NTRK2: variants seen among roughly 807,000 people sequenced by gnomAD.
NTRK2 encodes the protein neurotrophic receptor tyrosine kinase 2.
A neutral mutation model predicts 94.5 loss-of-function variants in NTRK2; 13 were observed. The observed-to-expected ratio is 0.14, with a 90% CI of 0.09 to 0.22. NTRK2 has a LOEUF of 0.22. Ranked by LOEUF, NTRK2 falls within the 10% of genes least tolerant of loss-of-function variation. NTRK2 has a pLI of 1.00. For missense variants in NTRK2, 639 were observed against 1,071.2 expected (o/e 0.60, Z 5.63); for synonymous variants, 372 against 407.4 (o/e 0.91, Z 1.05).
intron 12 of NTRK2, among the ~76,000 whole-genome samples, chr9:84,765,636 C>G (rs7027979): frequency 0.58 from 87,604 of 151,964 alleles, 26,894 homozygotes; most frequent in South Asian, 0.68. Context: ...GACTCCACAA[C>G]ACAACTTATT....
At chr9:84,899,422 AC>A (rs2076859698) in intron 14 of NTRK2, among the ~76,000 whole-genome samples, 1 of 152,190 alleles carries the variant, frequency 6.6e-6, no homozygotes, top group Admixed American at 6.5e-5. Context: ...TGAATTTTTA[AC>A]AGTTCTGTTA....
chr9:84,977,814 T>C (rs1203366001), intron 17 of NTRK2, among the ~76,000 whole-genome samples: 1 of 152,252 alleles, frequency 6.6e-6, no homozygotes, highest in Non-Finnish European at 1.5e-5. Flanking sequence ...TTTTTCCAAC[T>C]GCATGGGCTC....
At chr9:84,940,361 A>G (rs886755693) in intron 15 of NTRK2, among the ~76,000 whole-genome samples, 1 of 152,102 alleles carries the variant, frequency 6.6e-6, no homozygotes, top group Non-Finnish European at 1.5e-5. Context: ...CTTCTTTATC[A>G]TCTCGGCAGG....
At chr9:84,979,210 T>C (rs1479398699) in intron 17 of NTRK2, among the ~76,000 whole-genome samples, 1 of 152,210 alleles carries the variant, frequency 6.6e-6, no homozygotes, top group Non-Finnish European at 1.5e-5. Context: ...CTGGGCAAAG[T>C]CAATGGAGAA....
At chr9:84,676,730 A>G (rs75654661) in intron 2 of NTRK2, among the ~76,000 whole-genome samples, 4,227 of 152,226 alleles carry the variant, frequency 0.028, 73 homozygotes, top group Admixed American at 0.044. Context: ...ATTCTGGCTC[A>G]TCATTTTATT....
At chr9:84,782,030 C>T (rs923656164) in intron 12 of NTRK2, among the ~76,000 whole-genome samples, 1 of 111,520 alleles carries the variant, frequency 9.0e-6, no homozygotes, top group African/African-American at 3.7e-5. Flanking sequence ...AAGATGGCCT[C>T]CAAGAAAACA....
At chr9:84,689,411 T>A (rs759906912) in intron 2 of NTRK2, among the ~76,000 whole-genome samples, 1 of 152,242 alleles carries the variant, frequency 6.6e-6, no homozygotes, top group Admixed American at 6.5e-5. Context: ...GGTCATTGTC[T>A]TTGTTCTGTG....
At chr9:84,735,266 T>C (rs2132205410) in intron 9 of NTRK2, among the ~76,000 whole-genome samples, 1 of 152,320 alleles carries the variant, frequency 6.6e-6, no homozygotes, top group South Asian at 2.1e-4. Flanking sequence ...GTAAAACTTC[T>C]CAGTGAGTTG....
At chr9:84,916,678 G>A (rs2077402895) in intron 14 of NTRK2, among the ~76,000 whole-genome samples, 1 of 152,156 alleles carries the variant, frequency 6.6e-6, no homozygotes, top group African/African-American at 2.4e-5. Flanking sequence ...TTCAGGGTCT[G>A]GGTGCAGCTG....
At chr9:84,807,316 CT>C in intron 12 of NTRK2, among the ~76,000 whole-genome samples, 1 of 152,312 alleles carries the variant, frequency 6.6e-6, no homozygotes, top group South Asian at 2.1e-4. Context: ...CCTTCCCAGT[CT>C]TTCCCTTTGA....
At position 85,015,534 on chromosome 9, in the gene NTRK2, G is replaced by C. The variant is rs562295864; in HGVS notation, c.2173-4672G>C. 3.3e-5 allele frequency among the ~76,000 whole-genome samples: 5 copies of C among 152,248 alleles called. No homozygotes were observed. The South Asian group carries it at 1.0e-3, about 32-fold the overall frequency. ...TCCTCCCCCAAAGAGCAGCATTCAT[G>C]GGGAACCCATTAAAGACATGGTATG... On this transcript the variant is annotated intron_variant, in intron 17 of 18. Transcript: ENST00000277120.
chr9:84,941,133 T>C (rs1407241326), intron 15 of NTRK2, among the ~76,000 whole-genome samples: 2 of 152,234 alleles, frequency 1.3e-5, no homozygotes, highest in Non-Finnish European at 2.9e-5. Context: ...TTTAATAGTG[T>C]CTGTGATTGT....
At chr9:84,689,629 A>G (rs1313721124) in intron 2 of NTRK2, among the ~76,000 whole-genome samples, 2 of 152,230 alleles carry the variant, frequency 1.3e-5, no homozygotes, top group Admixed American at 6.5e-5. Context: ...TGAAACACAC[A>G]TGACATAAAG....
At chr9:84,981,768 T>C (rs554570836) in intron 17 of NTRK2, among the ~76,000 whole-genome samples, 2 of 152,344 alleles carry the variant, frequency 1.3e-5, no homozygotes, top group East Asian at 3.9e-4. Flanking sequence ...GGAGAAATTG[T>C]TTCAAAATGT....
At chr9:84,922,188 C>T (rs2077588212) in intron 14 of NTRK2, among the ~76,000 whole-genome samples, 1 of 152,276 alleles carries the variant, frequency 6.6e-6, no homozygotes, top group African/African-American at 2.4e-5. Flanking sequence ...TTCTTTCATG[C>T]GGACACGTCT....
intron 15 of NTRK2, among the ~76,000 whole-genome samples, chr9:84,937,828 C>T (rs2078264080): frequency 6.6e-6 from 1 of 152,152 alleles, no homozygotes; most frequent in Admixed American, 6.5e-5. Flanking sequence ...ATTTTTGGCT[C>T]CATCCAACCT....
chr9:84,882,748 A>G (rs1011844349), intron 14 of NTRK2, among the ~76,000 whole-genome samples: 1 of 149,926 alleles, frequency 6.7e-6, no homozygotes. Context: ...GTGCATTATA[A>G]TAACTAGAAA....
intron 9 of NTRK2, among the ~76,000 whole-genome samples, chr9:84,731,326 C>G (rs1414132946): frequency 6.6e-6 from 1 of 152,072 alleles, no homozygotes; most frequent in Non-Finnish European, 1.5e-5. Context: ...GTCCCAGCTA[C>G]TCGGGAGGCT....
intron 2 of NTRK2, among the ~76,000 whole-genome samples, chr9:84,675,693 C>A (rs549420535): frequency 2.4e-4 from 37 of 152,110 alleles, no homozygotes; most frequent in African/African-American, 8.7e-4. Context: ...AGAAAAAAAA[C>A]CCTGAATCTT....
Sources: allele counts gnomAD v4.1 joint callset (sites outside exome capture counted in the v4.1 genomes callset), GRCh38; gene constraint gnomAD v4.1.1; transcripts MANE v1.5; gene names NCBI Gene and HGNC (gene_info 2026-07-23, HGNC 2026-07-21).